Variants in VIRMA observed in about 807,000 individuals in gnomAD.
VIRMA encodes the protein protein virilizer homolog.
VIRMA carries 65 observed loss-of-function variants against 182.4 expected under a neutral mutation model. That is an observed-to-expected ratio of 0.36 (90% CI 0.29 to 0.44). The LOEUF is 0.44. Among genes scored for constraint, VIRMA ranks in the 20% least tolerant of loss-of-function variants. The probability of loss-of-function intolerance (pLI) is 1.00; values close to 1 mark genes in which losing one functional copy is unlikely to be tolerated. For synonymous variants in VIRMA, 709 were observed against 743.1 expected, an observed-to-expected ratio of 0.95 and a Z score of 0.75; for missense variants, 1,752 against 2,158.1, an observed-to-expected ratio of 0.81 and a Z score of 3.73.
intron 14 of VIRMA, 65 bp downstream of exon 14, chr8:94,510,351 TA>T: frequency 7.6e-7 from 1 of 1,319,702 alleles, no homozygotes; most frequent in Non-Finnish European, 1.1e-6. Context: ...TTCCAAATTG[TA>T]AGGGAAAAAA....
Position 94,510,599 on chromosome 8 carries a change from G to T in VIRMA, c.3444C>A (p.Ser1148Arg), listed in dbSNP as rs752839509. ...SVALNTRKLW[S>R]MHLHVQAKLL... ...ACTTTGCTTGAACATGAAGGTGCATGCTCCACAATTTTCGGGTGTTGAGTG... is the reference window on the plus strand; with the variant it reads ...ACTTTGCTTGAACATGAAGGTGCATTCTCCACAATTTTCGGGTGTTGAGTG... Residue 1148 changes from serine (S) to arginine (R), a missense_variant, in exon 14 of 24, where the codon AGC becomes AGA. Around this residue, in one of 11 missense-constraint regions of VIRMA, gnomAD observed 777 missense variants for 920.6 expected, o/e 0.84. Transcript: ENST00000297591. 6.2e-7 allele frequency: 1 copy of T among 1,614,108 alleles called. No individual in the cohort carries two copies. The highest frequency in any genetic ancestry group is 1.1e-5 in the South Asian group (1 of 91,082).
At chr8:94,495,435 A>G (rs915594575) in intron 19 of VIRMA, among the ~76,000 whole-genome samples, 2 of 152,172 alleles carry the variant, frequency 1.3e-5, no homozygotes, top group Non-Finnish European at 2.9e-5. Context: ...TCAAAAACAA[A>G]TAACTTGAAA....
At chr8:94,542,015 A>G (rs528460249) in intron 2 of VIRMA, among the ~76,000 whole-genome samples, 1 of 152,326 alleles carries the variant, frequency 6.6e-6, no homozygotes, top group East Asian at 1.9e-4. Flanking sequence ...AAATGCAACA[A>G]ATAATCCTAC....
intron 1 of VIRMA, among the ~76,000 whole-genome samples, chr8:94,544,890 T>C (rs534304331): frequency 1.3e-5 from 2 of 152,154 alleles, no homozygotes; most frequent in Non-Finnish European, 2.9e-5. Context: ...AGGGAAAGCA[T>C]TTAGGTACTG....
At chr8:94,498,514 A>G (rs1378788541) in intron 17 of VIRMA, 1 of 152,212 alleles carries the variant, frequency 6.6e-6, no homozygotes, top group Non-Finnish European at 1.5e-5. Context: ...TTGCTCTGTC[A>G]CCTAGACTAG....
In VIRMA at chr8:94,491,629, G is replaced by A. The variant is rs189777416; in HGVS notation, c.5089C>T (p.Arg1697Trp). Reference protein sequence around the residue: ...RGGFSGNRGGRGAFHSQNRFF... With the variant: ...RGGFSGNRGGWGAFHSQNRFF... ...CTATTCTGACTGTGGAAAGCACCCCGTCCTCCTCTATTGCCTGAAAACCCA... is the reference window on the plus strand; with the variant it reads ...CTATTCTGACTGTGGAAAGCACCCCATCCTCCTCTATTGCCTGAAAACCCA... Residue 1697 changes from arginine (R) to tryptophan (W), a missense_variant, in exon 22 of 24, where the codon CGG (arginine) becomes TGG (tryptophan). By Grantham distance (101) the Arg-to-Trp change is moderately radical. Around this residue, in one of 11 missense-constraint regions of VIRMA, gnomAD observed 132 missense variants for 173.8 expected, o/e 0.76. Coordinates refer to ENST00000297591, the MANE Select transcript of VIRMA (RefSeq NM_015496.5). 3.1e-6 allele frequency: 5 copies of A among 1,614,066 alleles called. No homozygotes were observed. Among genetic ancestry groups the A allele is most frequent in the East Asian group, 4.5e-5 (2 of 44,878 alleles).
Position 94,526,425 on chromosome 8 carries a change from C to A in VIRMA, c.1819G>T (p.Ala607Ser), listed in dbSNP as rs947061810. 3.1e-6 allele frequency: 5 copies of A among 1,613,744 alleles called. No homozygotes were observed. In the African/African-American group the frequency reaches 6.7e-5, roughly 22 times the overall value. The change falls in exon 8 of 24, where the codon GCT becomes TCT. Residue 607 changes from alanine to serine, a missense_variant. By Grantham distance (99) the Ala-to-Ser change is moderately conservative. This residue lies in a region of VIRMA where 401 missense variants were observed against 455.1 expected (regional missense o/e 0.88). Coordinates refer to ENST00000297591, the MANE Select transcript of VIRMA (RefSeq NM_015496.5). ...TCCAAAAGATCCATATCCATAGAAG[C>A]TTCCACCTCATTTTCATATTCTGGG... ...TNPEYENEVE[A>S]SMDMDLLESS...
intron 23 of VIRMA, 25 bp from the exon 24 acceptor site, chr8:94,488,885 T>C (rs754329525): frequency 6.2e-7 from 1 of 1,603,616 alleles, no homozygotes; most frequent in South Asian, 1.1e-5. Flanking sequence ...ATACAGTTTT[T>C]AGTTCCAATG....
chr8:94,549,864 G>A (rs1277947941), intron 1 of VIRMA, among the ~76,000 whole-genome samples: 3 of 152,202 alleles, frequency 2.0e-5, no homozygotes, highest in Non-Finnish European at 4.4e-5. Flanking sequence ...GGGAGGCTGA[G>A]GTGGGAGAAT....
At chr8:94,540,627 G>A (rs886946053) in intron 2 of VIRMA, among the ~76,000 whole-genome samples, 1 of 151,710 alleles carries the variant, frequency 6.6e-6, no homozygotes, top group South Asian at 2.1e-4. Flanking sequence ...AGGCCCAGCT[G>A]ATTTTTGTAT....
intron 1 of VIRMA, chr8:94,547,086 G>A (rs1373966000): frequency 2.2e-6 from 1 of 448,622 alleles, no homozygotes; most frequent in East Asian, 7.0e-5. Flanking sequence ...TCCTCCTAGT[G>A]CCTAAAGTCC....
At chr8:94,540,999 A>T (rs117716892) in intron 2 of VIRMA, among the ~76,000 whole-genome samples, 6,065 of 152,228 alleles carry the variant, frequency 0.04, 133 homozygotes, top group Non-Finnish European at 0.05. Context: ...AGTAATAATA[A>T]AATACATATA....
Position 94,494,947 on chromosome 8 carries a change from A to G in VIRMA, c.4554T>C (p.Tyr1518=), listed in dbSNP as rs772881638. The G allele has an allele frequency of 1.9e-6, 3 of 1,603,126 alleles. No individual in the cohort carries two copies. In the South Asian group the frequency reaches 3.3e-5, roughly 18 times the overall value. The change falls in exon 20 of 24, where the codon TAT becomes TAC. Residue 1518 remains tyrosine, a synonymous_variant. Coordinates refer to ENST00000297591, the MANE Select transcript of VIRMA (RefSeq NM_015496.5). ...GATCATCCATGACATCAGCAAGCAC[A>G]TAGGCAGTCCTGGAACAAGAAAAGT... ...LQNLFNNRTA[Y]VLADVMDDQL...
intron 8 of VIRMA, among the ~76,000 whole-genome samples, chr8:94,521,259 T>C (rs1814757190): frequency 2.6e-5 from 4 of 152,138 alleles, no homozygotes. Context: ...TCTGTGTCCA[T>C]GTGTTCTCAC....
At chr8:94,490,854 A>G (rs1813582454) in intron 22 of VIRMA, among the ~76,000 whole-genome samples, 2 of 152,044 alleles carry the variant, frequency 1.3e-5, no homozygotes, top group Non-Finnish European at 2.9e-5. Flanking sequence ...TCTCCAAAAA[A>G]AAAAATCTTG....
At chr8:94,504,630 G>A (rs1814094116) in intron 16 of VIRMA, among the ~76,000 whole-genome samples, 1 of 152,170 alleles carries the variant, frequency 6.6e-6, no homozygotes, top group Non-Finnish European at 1.5e-5. Flanking sequence ...AGAGCCAAAT[G>A]GTGGAAGCAA....
chr8:94,543,411 A>C (rs1295375746), intron 2 of VIRMA, among the ~76,000 whole-genome samples: 1 of 148,466 alleles, frequency 6.7e-6, no homozygotes, highest in African/African-American at 2.5e-5. Flanking sequence ...CAAAAAAAAA[A>C]AAAAAAAAAA....
chr8:94,526,977 T>G lies in VIRMA; in HGVS notation c.1267A>C (p.Thr423Pro). 1 of 1,614,266 alleles carries G rather than the reference T, an allele frequency of 6.2e-7. No individual in the cohort carries two copies. Among genetic ancestry groups the G allele is most frequent in the Non-Finnish European group, 8.5e-7 (1 of 1,180,046 alleles). The change falls in exon 8 of 24, where the codon ACA becomes CCA. Residue 423 changes from threonine to proline, a missense_variant. Around this residue, in one of 11 missense-constraint regions of VIRMA, gnomAD observed 401 missense variants for 455.1 expected, o/e 0.88. Transcript: ENST00000297591. ...KGLSYLQLKN[T>P]KQDSLGQLVD... ...AACTGGCCAAGGGAGTCTTGTTTTG[T>G]GTTTTTCAATTGCAAATAGCTTAAC...
In VIRMA at chr8:94,553,400, T is replaced by G; in HGVS notation, c.48A>C (p.Lys16Asn). ...AMELLFLDTF[K>N]HPSAEQSSHI... ...CAAGCCTTACCTCAGCGCTCGGGTG[T>G]TTAAAAGTATCTAAAAATAACAGCT... Residue 16 changes from lysine to asparagine, a missense_variant, in exon 1 of 24, where the codon AAA (lysine) becomes AAC (asparagine). By Grantham distance (94) the Lys-to-Asn change is moderately conservative. Coordinates refer to ENST00000297591, the MANE Select transcript of VIRMA (RefSeq NM_015496.5). The G allele has an allele frequency of 6.2e-7, 1 of 1,614,110 alleles. No homozygotes were observed. The highest frequency in any genetic ancestry group is 1.3e-5 in the African/African-American group (1 of 75,030).
Sources: allele counts gnomAD v4.1 joint callset (sites outside exome capture counted in the v4.1 genomes callset), GRCh38; gene constraint gnomAD v4.1.1; regional missense constraint gnomAD v4.1.1; transcripts MANE v1.5; gene names NCBI Gene and HGNC (gene_info 2026-07-23, HGNC 2026-07-21).